PAXIP1: variants seen among roughly 807,000 people sequenced by gnomAD.
PAXIP1 encodes PAX-interacting protein 1.
In PAXIP1, 19 loss-of-function variants were observed where a neutral mutation model predicts 140.6. That is an observed-to-expected ratio of 0.14 (90% CI 0.09 to 0.20). The LOEUF (loss-of-function observed/expected upper bound fraction) is 0.20, where lower values mean the gene tolerates loss of function less well. Among genes scored for constraint, PAXIP1 ranks in the 10% least tolerant of loss-of-function variants. The pLI, the probability that PAXIP1 is intolerant of heterozygous loss-of-function variation, is 1.00. For missense variants in PAXIP1, 920 were observed against 1,208.6 expected, an observed-to-expected ratio of 0.76 and a Z score of 3.54; for synonymous variants, 442 against 444.6, an observed-to-expected ratio of 0.99 and a Z score of 0.07.
In PAXIP1 at chr7:154,946,195, A is replaced by G; in HGVS notation, c.3194+170T>C. 3 of 983,704 alleles carry G rather than the reference A, an allele frequency of 3.0e-6. No homozygotes were observed. Among genetic ancestry groups the G allele is most frequent in the Non-Finnish European group, 3.6e-6 (3 of 828,316 alleles). The allele number at this position is 983,704 out of a possible 1,614,324, so 60.9% of individuals were successfully genotyped here. A position where few individuals can be genotyped will look rare whatever the true frequency, so the allele number is the denominator to read the frequency against. The stretch of plus-strand genomic sequence containing the variant: ...AGTAAGTTAAGAGAATATTTTTACT[A>G]GCAACTCAAATGAATATTCTGAAGA... On this transcript the variant is annotated intron_variant, in intron 20 of 20. Transcript: ENST00000404141. The surrounding 1 kb of genome is among the most constrained non-coding windows in gnomAD (Gnocchi z 4.9).
intron 4 of PAXIP1, among the ~76,000 whole-genome samples, chr7:154,987,252 C>T (rs938798396): frequency 5.3e-5 from 8 of 152,188 alleles, no homozygotes; most frequent in Middle Eastern, 3.2e-3. Flanking sequence ...TCCTTTTCCT[C>T]CTCTTCCTGG....
intron 4 of PAXIP1, among the ~76,000 whole-genome samples, chr7:154,987,419 C>T (rs977927558): frequency 9.2e-5 from 14 of 152,180 alleles, no homozygotes; most frequent in Non-Finnish European, 2.9e-5. Flanking sequence ...ATAACGTCCT[C>T]CTCCTCCAGT....
chr7:154,970,998 G>A (rs1809287764), intron 6 of PAXIP1, among the ~76,000 whole-genome samples: 1 of 152,210 alleles, frequency 6.6e-6, no homozygotes, highest in Admixed American at 6.5e-5. Flanking sequence ...CCGCCTCTCT[G>A]TACCTGCCAA....
At position 154,968,556 on chromosome 7, in the gene PAXIP1, TCTGCTGCTG is replaced by T. The variant is rs141168451; in HGVS notation, c.1636_1644del (p.Gln546_Gln548del). 5.5e-6 allele frequency: 4 copies of T among 726,728 alleles called. No homozygotes were observed. The highest frequency in any genetic ancestry group is 2.4e-4 in the Middle Eastern group (1 of 4,126). 45.0% of individuals were successfully genotyped at this position (726,728 alleles called of 1,614,324 possible). ...AAGTGTGGCGCTGTCTGACTTTGCA[TCTGCTGCTG>T]CTGCTGCTGCTGGTGCATGCGCTGG... On this transcript the variant is annotated inframe_deletion, in exon 7 of 21. Coordinates refer to ENST00000404141, the MANE Select transcript of PAXIP1 (RefSeq NM_007349.4).
rs1172469518 is a variant in PAXIP1 at position 154,976,167 on chromosome 7, T to C, written c.603A>G (p.Val201=). The change falls in exon 6 of 21, where the codon GTA becomes GTG. Residue 201 remains valine, a synonymous_variant. Transcript: ENST00000404141. ...TCTGAGAATCTTGTTCCTCATTTTC[T>C]ACTTCCTCCTCCTCTTCCTCTTCCT... ...EEEEEEEEEE[V]ENEEQDSQNE... The C allele has an allele frequency of 6.3e-7, 1 of 1,596,534 alleles. No individual in the cohort carries two copies.
intron 3 of PAXIP1, among the ~76,000 whole-genome samples, chr7:154,991,832 G>A (rs1245474584): frequency 1.3e-5 from 2 of 152,082 alleles, no homozygotes; most frequent in Non-Finnish European, 2.9e-5. Context: ...ATGGGTTAAA[G>A]TATTACTTCT....
intron 10 of PAXIP1, 32 bp from the exon 11 acceptor site, chr7:154,961,680 A>G: frequency 6.5e-7 from 1 of 1,531,846 alleles, no homozygotes; most frequent in Non-Finnish European, 8.8e-7. Flanking sequence ...AGGTAAACAC[A>G]AAATAAGCAA....
chr7:155,002,906 A>T lies in PAXIP1; in HGVS notation c.24T>A (p.Val8=). 1.4e-6 allele frequency: 2 copies of T among 1,380,200 alleles called. No individual in the cohort carries two copies. Among genetic ancestry groups the T allele is most frequent in the Middle Eastern group, 2.3e-4 (1 of 4,344 alleles). The allele number at this position is 1,380,200 out of a possible 1,614,324, so 85.5% of individuals were successfully genotyped here. A position where few individuals can be genotyped will look rare whatever the true frequency, so the allele number is the denominator to read the frequency against. Residue 8 remains valine (V), a synonymous_variant, in exon 1 of 21, where the codon GTT becomes GTA. Coordinates refer to ENST00000404141, the MANE Select transcript of PAXIP1 (RefSeq NM_007349.4). ...TGACCTCCCTGAACATCTCCTCAGG[A>T]ACTTTGGGCGCCTGGTCCGACATGA... The part of the protein sequence containing the change: MSDQAPK[V]PEEMFREVKY...
chr7:154,968,337 A>G, intron 7 of PAXIP1, 66 bp downstream of exon 7: 13 of 1,369,198 alleles, frequency 9.5e-6, no homozygotes, highest in Non-Finnish European at 1.3e-5. Flanking sequence ...ACACTCAAAC[A>G]CTCTCAAAGC....
chr7:154,947,824 C>T, intron 17 of PAXIP1, 79 bp downstream of exon 17: 3 of 1,047,862 alleles, frequency 2.9e-6, no homozygotes, highest in Non-Finnish European at 4.5e-6. Context: ...CACTTCCCAC[C>T]AAATCACCTG....
At chr7:154,995,660 G>A (rs545409752) in intron 2 of PAXIP1, among the ~76,000 whole-genome samples, 170 of 152,270 alleles carry the variant, frequency 1.1e-3, no homozygotes, top group Non-Finnish European at 2.2e-3. Context: ...GACCAGCCTG[G>A]CCAACATGGT....
At chr7:154,979,359 G>A (rs1054930317) in intron 5 of PAXIP1, among the ~76,000 whole-genome samples, 1 of 152,138 alleles carries the variant, frequency 6.6e-6, no homozygotes, top group South Asian at 2.1e-4. Context: ...CTTTTGCTAT[G>A]TGCTCATTAA....
chr7:154,988,576 C>T (rs1810180707), intron 4 of PAXIP1, among the ~76,000 whole-genome samples: 1 of 152,130 alleles, frequency 6.6e-6, no homozygotes, highest in Non-Finnish European at 1.5e-5. Context: ...ATTTGAAACC[C>T]TATAATCATC....
Position 154,969,182 on chromosome 7 carries a change from A to G in PAXIP1, c.1075-56T>C, listed in dbSNP as rs530634519. On this transcript the variant is annotated intron_variant, in intron 6 of 20. Coordinates refer to ENST00000404141, the MANE Select transcript of PAXIP1 (RefSeq NM_007349.4). ...CAACAGTTCCTGAAACAGATGAATG[A>G]TAATTTCTTAGTCAAGAGAATGGCA... 7.7e-5 allele frequency: 109 copies of G among 1,422,646 alleles called. 2 individuals are homozygous for G. The South Asian group carries it at 1.6e-3, about 21-fold the overall frequency. The allele number at this position is 1,422,646 out of a possible 1,614,324, so 88.1% of individuals were successfully genotyped here.
At position 154,983,157 on chromosome 7, in the gene PAXIP1, CAT is replaced by C. The variant is rs769197466; in HGVS notation, c.438+60_438+61del. 42 of 761,576 alleles carry C rather than the reference CAT, an allele frequency of 5.5e-5. No homozygotes were observed. In the Middle Eastern group the frequency reaches 9.4e-4, roughly 17 times the overall value. 47.2% of individuals were successfully genotyped at this position (761,576 alleles called of 1,614,324 possible). A position where few individuals can be genotyped will look rare whatever the true frequency, so the allele number is the denominator to read the frequency against. ...TAATTTAAAAGAAGCTCAAAAAAGACATGTGATTACTAGAAATTCTTAAATGA... is the reference window on the plus strand; with the variant it reads ...TAATTTAAAAGAAGCTCAAAAAAGACGTGATTACTAGAAATTCTTAAATGA... On this transcript the variant is annotated intron_variant, in intron 5 of 20. Coordinates refer to ENST00000404141, the MANE Select transcript of PAXIP1 (RefSeq NM_007349.4).
intron 3 of PAXIP1, among the ~76,000 whole-genome samples, chr7:154,991,856 A>T (rs922581419): frequency 6.6e-6 from 1 of 152,204 alleles, no homozygotes; most frequent in African/African-American, 2.4e-5. Flanking sequence ...TCCCTATAGG[A>T]GTAAAGTATA....
intron 20 of PAXIP1, chr7:154,944,478 C>T (rs1354017076): frequency 1.0e-5 from 2 of 200,388 alleles, no homozygotes; most frequent in Non-Finnish European, 2.0e-5. Flanking sequence ...ACACAACCCC[C>T]AAGAGCTGAC....
chr7:154,983,467 A>G (rs1371965492), intron 4 of PAXIP1, 135 bp from the exon 5 acceptor site: 5 of 593,918 alleles, frequency 8.4e-6, no homozygotes, highest in Non-Finnish European at 1.5e-5. Flanking sequence ...TGTAGAAAAA[A>G]TAGAGAAGCT....
At position 154,961,026 on chromosome 7, in the gene PAXIP1, G is replaced by C; in HGVS notation, c.2301C>G (p.Val767=). The part of the protein sequence containing the change: ...EKAKEWRIPC[V]NAQWLGDILL... ...GAATGTCGCCAAGCCACTGGGCGTTGACACAGGGTATCCTCCACTCTTTGG... is the reference window on the plus strand; with the variant it reads ...GAATGTCGCCAAGCCACTGGGCGTTCACACAGGGTATCCTCCACTCTTTGG... The change falls in exon 12 of 21, where the codon GTC becomes GTG. Residue 767 remains valine, a synonymous_variant. Coordinates refer to ENST00000404141, the MANE Select transcript of PAXIP1 (RefSeq NM_007349.4). The C allele has an allele frequency of 1.2e-6, 2 of 1,601,152 alleles. No homozygotes were observed. The highest frequency in any genetic ancestry group is 1.7e-6 in the Non-Finnish European group (2 of 1,173,300).
Sources: allele counts gnomAD v4.1 joint callset (sites outside exome capture counted in the v4.1 genomes callset), GRCh38; gene constraint gnomAD v4.1.1; non-coding constraint Gnocchi (gnomAD v3.1); transcripts MANE v1.5; gene names NCBI Gene and HGNC (gene_info 2026-07-23, HGNC 2026-07-21).